Variants in PLEKHH2 observed in about 807,000 individuals in gnomAD.
The protein encoded by PLEKHH2 is pleckstrin homology, MyTH4 and FERM domain containing H2, also known as pleckstrin homology domain-containing family H member 2.
PLEKHH2 carries 129 observed loss-of-function variants against 187.9 expected under a neutral mutation model. That is an observed-to-expected ratio of 0.69 (90% CI 0.59 to 0.79). The LOEUF (loss-of-function observed/expected upper bound fraction) is 0.79, where lower values mean the gene tolerates loss of function less well. PLEKHH2 is among the 30% of genes least tolerant of loss of function. The pLI is 0.00. For missense variants in PLEKHH2, 2,076 were observed against 1,751.2 expected (o/e 1.19, Z -3.31); for synonymous variants, 686 against 605.6 (o/e 1.13, Z -1.95).
rs140022620 is a variant in PLEKHH2, at chr2:43,700,620, A to G, written c.1650+12A>G. 1.1e-5 allele frequency: 18 copies of G among 1,594,628 alleles called. No homozygotes were observed. The highest frequency in any genetic ancestry group is 3.4e-6 in the Non-Finnish European group (4 of 1,174,344). ...GTTTTCCTTCTTGGGTAATTATATC[A>G]CCGCATGTAACACATACGCAGTAGT... On this transcript the variant is annotated intron_variant, in intron 8 of 29. Coordinates refer to ENST00000282406, the MANE Select transcript of PLEKHH2 (RefSeq NM_172069.4).
intron 3 of PLEKHH2, among the ~76,000 whole-genome samples, chr2:43,679,968 C>G (rs1254790859): frequency 6.6e-6 from 1 of 152,012 alleles, no homozygotes; most frequent in South Asian, 2.1e-4. Flanking sequence ...GCTCAGACAA[C>G]TTTTATTATT....
At chr2:43,740,715 G>C in intron 20 of PLEKHH2, 1 of 548,682 alleles carries the variant, frequency 1.8e-6, no homozygotes, top group South Asian at 8.9e-5. Context: ...TTGTGCCTTG[G>C]TTCCTCAGTT....
chr2:43,731,530 A>G lies in PLEKHH2; in HGVS notation c.2871A>G (p.Lys957=), dbSNP rs141260998. ...GACACCCCACTTTGTGTCACAGTAA[A>G]GAAGGAATCATTTCCCCTCTGACAA... ...IWRHPTLCHS[K]EGIISPLTTL... Residue 957 remains lysine, a synonymous_variant, in exon 19 of 30, where the codon AAA becomes AAG. Coordinates refer to ENST00000282406, the MANE Select transcript of PLEKHH2 (RefSeq NM_172069.4). 5.8e-5 allele frequency: 93 copies of G among 1,606,966 alleles called. No individual in the cohort carries two copies. The African/African-American group carries it at 9.8e-4, about 17-fold the overall frequency.
chr2:43,720,678 G>A lies in PLEKHH2; in HGVS notation c.2470G>A (p.Gly824Arg). The change falls in exon 16 of 30, where the codon GGA becomes AGA. Residue 824 changes from glycine to arginine, a missense_variant. Transcript: ENST00000282406. The stretch of plus-strand genomic sequence containing the variant: ...TGAAATATGGTTTCAGGTAAAACAT[G>A]GATATTCCAAGAGAGTCTGGTGTAC... ...MKGLLTKVKH[G>R]YSKRVWCTLI... is the part of the protein sequence containing the mutation. 2 of 1,606,420 alleles carry A rather than the reference G, an allele frequency of 1.2e-6. No individual in the cohort carries two copies. Among genetic ancestry groups the A allele is most frequent in the South Asian group, 2.3e-5 (2 of 88,834 alleles).
chr2:43,657,722 G>C lies in PLEKHH2; in HGVS notation c.123+12926G>C, dbSNP rs539156478. Among the ~76,000 whole-genome samples the C allele has an allele frequency of 2.6e-5, 4 of 152,280 alleles. No homozygotes were observed. In the South Asian group the frequency reaches 8.3e-4, roughly 32 times the overall value. ...TTTTATCTTTTAAGTTTCACATGTA[G>C]TGCACCATGCAGGTCTGTCTGTACT... On this transcript the variant is annotated intron_variant, in intron 2 of 29. Coordinates refer to ENST00000282406, the MANE Select transcript of PLEKHH2 (RefSeq NM_172069.4).
chr2:43,683,945 C>A (rs1668368025), intron 3 of PLEKHH2, among the ~76,000 whole-genome samples: 1 of 151,860 alleles, frequency 6.6e-6, no homozygotes, highest in South Asian at 2.1e-4. Context: ...TTCATATATC[C>A]TCTCCCCTCC....
chr2:43,644,303 G>A (rs1166016966), intron 1 of PLEKHH2, among the ~76,000 whole-genome samples: 1 of 152,112 alleles, frequency 6.6e-6, no homozygotes, highest in Admixed American at 6.5e-5. Context: ...GTGTGGTGTT[G>A]TTATACTGTC....
At chr2:43,761,751 T>C (rs774123011) in intron 27 of PLEKHH2, among the ~76,000 whole-genome samples, 18 of 152,220 alleles carry the variant, frequency 1.2e-4, no homozygotes, top group Non-Finnish European at 4.4e-5. Context: ...GTGGAAATTT[T>C]CATATTTCTC....
chr2:43,747,989 T>C (rs1021040018), intron 24 of PLEKHH2, among the ~76,000 whole-genome samples: 7 of 152,376 alleles, frequency 4.6e-5, no homozygotes, highest in African/African-American at 1.7e-4. Flanking sequence ...TTTGTCATAT[T>C]CTTTGTCAAT....
intron 8 of PLEKHH2, among the ~76,000 whole-genome samples, chr2:43,701,302 G>C (rs1385208613): frequency 6.6e-6 from 1 of 152,204 alleles, no homozygotes; most frequent in Non-Finnish European, 1.5e-5. Context: ...TCAAGAGAAA[G>C]GGGAGAGGAA....
chr2:43,683,707 C>G (rs1414924802), intron 3 of PLEKHH2, among the ~76,000 whole-genome samples: 3 of 151,938 alleles, frequency 2.0e-5, no homozygotes, highest in Admixed American at 6.5e-5. Context: ...TTTTCTTTCT[C>G]TTTTTTCAAG....
intron 19 of PLEKHH2, among the ~76,000 whole-genome samples, chr2:43,738,112 A>G (rs1185993544): frequency 1.3e-5 from 2 of 152,162 alleles, no homozygotes; most frequent in East Asian, 1.9e-4. Context: ...TGACCCCTTT[A>G]TCATTATAAA....
intron 2 of PLEKHH2, among the ~76,000 whole-genome samples, chr2:43,672,527 A>G (rs1667541114): frequency 6.6e-6 from 1 of 152,200 alleles, no homozygotes; most frequent in Non-Finnish European, 1.5e-5. Flanking sequence ...AAAAGTCACT[A>G]ATGACCTCCT....
intron 3 of PLEKHH2, among the ~76,000 whole-genome samples, chr2:43,688,834 T>G (rs1490856582): frequency 6.6e-6 from 1 of 152,200 alleles, no homozygotes; most frequent in Admixed American, 6.5e-5. Context: ...CATCAATGTG[T>G]GACAACATGT....
At chr2:43,650,809 C>G (rs565609602) in intron 2 of PLEKHH2, among the ~76,000 whole-genome samples, 61 of 151,856 alleles carry the variant, frequency 4.0e-4, no homozygotes, top group South Asian at 1.5e-3. Context: ...CCATGCCTGG[C>G]TAATTTTTTG....
At chr2:43,734,648 G>A (rs998287375) in intron 19 of PLEKHH2, among the ~76,000 whole-genome samples, 6 of 152,300 alleles carry the variant, frequency 3.9e-5, no homozygotes, top group Admixed American at 6.5e-5. Flanking sequence ...ATACACCATC[G>A]GTGGGAATGT....
intron 2 of PLEKHH2, among the ~76,000 whole-genome samples, chr2:43,668,939 G>A (rs1667362275): frequency 6.6e-6 from 1 of 152,196 alleles, no homozygotes. Context: ...GGTGGGGGAA[G>A]GGAAAAGGTG....
intron 26 of PLEKHH2, among the ~76,000 whole-genome samples, chr2:43,757,612 G>T (rs945928784): frequency 1.3e-5 from 2 of 151,890 alleles, no homozygotes; most frequent in African/African-American, 4.8e-5. Flanking sequence ...TAGAGATGGG[G>T]TTTCACCGTG....
chr2:43,755,381 C>T (rs887458048), intron 25 of PLEKHH2, among the ~76,000 whole-genome samples: 4 of 152,302 alleles, frequency 2.6e-5, no homozygotes, highest in African/African-American at 9.6e-5. Flanking sequence ...CTGTTCTCTC[C>T]TCTGTATGCT....
Sources: gnomAD v4.1 joint callset for allele counts (sites outside exome capture counted in the v4.1 genomes callset) on GRCh38, gnomAD v4.1.1 for gene constraint, MANE v1.5 for transcripts, NCBI Gene and HGNC (gene_info 2026-07-23, HGNC 2026-07-21) for gene names.